The following SPON2 variants were observed in gnomAD, a reference collection of about 807,000 sequenced individuals.
SPON2 encodes the protein spondin-2.
Under a neutral mutation model 29.9 loss-of-function variants are expected in SPON2, and 32 were observed. That is an observed-to-expected ratio of 1.07 (90% CI 0.81 to 1.44). The LOEUF (loss-of-function observed/expected upper bound fraction) is 1.44, where lower values mean the gene tolerates loss of function less well. SPON2 is among the 40% of genes most tolerant of loss of function. The probability of loss-of-function intolerance (pLI) is 0.00; values close to 1 mark genes in which losing one functional copy is unlikely to be tolerated. For synonymous variants in SPON2, 248 were observed against 209.1 expected, an observed-to-expected ratio of 1.19 and a Z score of -1.61; for missense variants, 541 against 455.5, an observed-to-expected ratio of 1.19 and a Z score of -1.71.
intron 1 of SPON2, among the ~76,000 whole-genome samples, chr4:1,206,043 C>T (rs1728333938): frequency 6.6e-6 from 1 of 152,026 alleles, no homozygotes; most frequent in African/African-American, 2.4e-5. Flanking sequence ...GGGAGGAGGC[C>T]ACGCCCAGCA....
intron 1 of SPON2, among the ~76,000 whole-genome samples, chr4:1,203,032 G>A (rs1728251555): frequency 6.6e-6 from 1 of 152,178 alleles, no homozygotes. Context: ...CTTATAAAAG[G>A]GCTAGAAGGA....
chr4:1,196,538 G>A (rs1334619999), upstream of SPON2, among the ~76,000 whole-genome samples: 1 of 152,228 alleles, frequency 6.6e-6, no homozygotes, highest in Non-Finnish European at 1.5e-5. Flanking sequence ...ACTCAGAGCA[G>A]AGGCCACTGC....
chr4:1,190,530 T>G (rs371705553), intron 1 of SPON2, among the ~76,000 whole-genome samples: 4 of 152,086 alleles, frequency 2.6e-5, no homozygotes, highest in African/African-American at 7.2e-5. Context: ...CTGCAAAAAA[T>G]GTTCAACAAA....
At position 1,171,874 on chromosome 4, in the gene SPON2, A is replaced by AG. The variant is rs775922429; in HGVS notation, c.197dup (p.Ala67CysfsTer12). The stretch of plus-strand genomic sequence containing the variant: ...TACCCAGCAGCGAAGACCACTGCGC[A>AG]GGGGGGCGGAACAGGGGGTACTGCT... On this transcript the variant is annotated frameshift_variant, in exon 2 of 6. Coordinates refer to ENST00000290902, the MANE Select transcript of SPON2 (RefSeq NM_012445.4). LOFTEE classifies it high-confidence loss of function. 1.9e-5 allele frequency: 31 copies of AG among 1,612,560 alleles called. No homozygotes were observed. The highest frequency in any genetic ancestry group is 2.5e-5 in the Non-Finnish European group (30 of 1,179,748).
chr4:1,202,099 G>A lies in SPON2; in HGVS notation c.-234+5781C>T, dbSNP rs751668293. On this transcript the variant is annotated intron_variant, in intron 1 of 3. Transcript: ENST00000509233. This position sits in a 1 kb window ranked among gnomAD's most constrained non-coding sequence, Gnocchi z 5.4. ...AGACGTCCTGTGCCTGTTAGCAACCGCTCCCCGCCACGGTTTGAGTGAGGC... is the reference window on the plus strand; with the variant it reads ...AGACGTCCTGTGCCTGTTAGCAACCACTCCCCGCCACGGTTTGAGTGAGGC... Among the ~76,000 whole-genome samples the A allele has an allele frequency of 5.3e-5, 8 of 152,184 alleles. No individual in the cohort carries two copies. The highest frequency in any genetic ancestry group is 7.2e-5 in the African/African-American group (3 of 41,428).
upstream of SPON2, among the ~76,000 whole-genome samples, chr4:1,173,595 C>T (rs1056729096): frequency 1.3e-5 from 2 of 152,220 alleles, no homozygotes; most frequent in African/African-American, 4.8e-5. Flanking sequence ...GGAAGGAGCT[C>T]GGGAATGGTC....
chr4:1,166,977 A>G lies in SPON2; in HGVS notation c.*495T>C, dbSNP rs1337722236. ...TCTTTATTCAAACGCAGAGAGATCC[A>G]TAACATGGAAACACTGACGCTTCCG... On this transcript the variant is annotated 3_prime_UTR_variant, in exon 6 of 6. Transcript: ENST00000290902. 6.5e-6 allele frequency: 1 copy of G among 154,158 alleles called. No individual in the cohort carries two copies. The highest frequency in any genetic ancestry group is 2.4e-5 in the African/African-American group (1 of 41,514). 9.5% of individuals were successfully genotyped at this position (154,158 alleles called of 1,614,324 possible). A position where few individuals can be genotyped will look rare whatever the true frequency, so the allele number is the denominator to read the frequency against.
intron 2 of SPON2, among the ~76,000 whole-genome samples, chr4:1,178,737 G>A (rs1727651661): frequency 6.7e-6 from 1 of 150,288 alleles, no homozygotes; most frequent in African/African-American, 2.5e-5. Context: ...ACCATAACCA[G>A]TGTGAGCAGA....
chr4:1,171,560 C>G (rs1411998000), intron 2 of SPON2, 74 bp from the exon 3 acceptor site: 1 of 1,440,750 alleles, frequency 6.9e-7, no homozygotes, highest in African/African-American at 1.4e-5. Flanking sequence ...GGGGGCGCCC[C>G]AGGAAATCCC....
In SPON2 at chr4:1,172,035, C is replaced by A. The variant is rs746766520; in HGVS notation, c.37G>T (p.Ala13Ser). 1 of 1,612,446 alleles carries A rather than the reference C, an allele frequency of 6.2e-7. No individual in the cohort carries two copies. The highest frequency in any genetic ancestry group is 2.2e-5 in the East Asian group (1 of 44,864). The change falls in exon 2 of 6, where the codon GCC becomes TCC. Residue 13 changes from alanine to serine, a missense_variant. Coordinates refer to ENST00000290902, the MANE Select transcript of SPON2 (RefSeq NM_012445.4). The stretch of plus-strand genomic sequence containing the variant: ...GTGGCCAGGAGGAGAGCGCAGAGGG[C>A]CTTGCCCAGGGCGGCGGCCGGGCTG... ...NPSPAAALGK[A>S]LCALLLATLG... is the part of the protein sequence containing the mutation.
intron 1 of SPON2, chr4:1,194,910 G>GGCGGCTCCAACGCCA (rs1560210522): frequency 2.3e-4 from 21 of 90,858 alleles, no homozygotes; most frequent in African/African-American, 5.4e-4. Flanking sequence ...CTCCAACCCC[G>GGCGGCTCCAACGCCA]CAGCCGGCGG....
chr4:1,194,012 C>G (rs1727979198), intron 1 of SPON2, among the ~76,000 whole-genome samples: 3 of 151,938 alleles, frequency 2.0e-5, no homozygotes, highest in African/African-American at 7.3e-5. Context: ...GTATGTGGAA[C>G]CCAGGGGGGT....
rs1456094116 is a variant in SPON2, at chr4:1,202,106, G to A, written c.-234+5774C>T. On this transcript the variant is annotated intron_variant, in intron 1 of 3. Coordinates refer to the SPON2 transcript ENST00000509233. The surrounding 1 kb of genome is among the most constrained non-coding windows in gnomAD (Gnocchi z 5.4). ...CTGTGCCTGTTAGCAACCGCTCCCC[G>A]CCACGGTTTGAGTGAGGCCACAACA... is the stretch of plus-strand genomic sequence containing the variant. Among the ~76,000 whole-genome samples, 6 of 152,306 alleles carry A rather than the reference G, an allele frequency of 3.9e-5. No individual in the cohort carries two copies. The highest frequency in any genetic ancestry group is 3.9e-4 in the East Asian group (2 of 5,188).
intron 1 of SPON2, among the ~76,000 whole-genome samples, chr4:1,200,241 C>G (rs1319080594): frequency 6.6e-6 from 1 of 152,196 alleles, no homozygotes; most frequent in East Asian, 1.9e-4. Context: ...CTGACACGTT[C>G]TTCCTGGGTC....
chr4:1,189,594 C>A (rs1727865410), intron 1 of SPON2, among the ~76,000 whole-genome samples: 1 of 145,220 alleles, frequency 6.9e-6, no homozygotes, highest in Middle Eastern at 3.6e-3. Flanking sequence ...CAAGATCATG[C>A]CACCACTGCA....
upstream of SPON2, among the ~76,000 whole-genome samples, chr4:1,175,413 G>A (rs1281705193): frequency 2.6e-5 from 4 of 152,238 alleles, no homozygotes; most frequent in Non-Finnish European, 1.5e-5. Context: ...CTCCCAGCCC[G>A]GCCCTCATGC....
At chr4:1,178,556 G>A (rs1351601048) in intron 2 of SPON2, among the ~76,000 whole-genome samples, 1 of 152,014 alleles carries the variant, frequency 6.6e-6, no homozygotes, top group Non-Finnish European at 1.5e-5. Flanking sequence ...GCCTTTGCAC[G>A]TGCAGCTCTC....
upstream of SPON2, among the ~76,000 whole-genome samples, chr4:1,174,486 C>CAAAAAAAAAAAAAAAAAAAAAAAAA (rs59532169): frequency 1.1e-5 from 1 of 94,252 alleles, no homozygotes; most frequent in Non-Finnish European, 2.2e-5. Flanking sequence ...GACTCCATCT[C>CAAAAAAAAAAAAAAAAAAAAAAAAA]AAAAAAAAAA....
At position 1,200,308 on chromosome 4, in the gene SPON2, G is replaced by A. The variant is rs116606016; in HGVS notation, c.-234+7572C>T. On this transcript the variant is annotated intron_variant, in intron 1 of 3. Coordinates refer to the SPON2 transcript ENST00000509233. ...AGGCTCCACGGACAGTTGAGAAGGCGTCCAGCCTGCAGAACGGAGTCCAGG... is the reference window on the plus strand; with the variant it reads ...AGGCTCCACGGACAGTTGAGAAGGCATCCAGCCTGCAGAACGGAGTCCAGG... Among the ~76,000 whole-genome samples the A allele has an allele frequency of 4.8e-3, 734 of 152,248 alleles. 8 individuals are homozygous for A. Among genetic ancestry groups the A allele is most frequent in the African/African-American group, 0.017 (696 of 41,542 alleles).
Sources: allele counts gnomAD v4.1 joint callset (sites outside exome capture counted in the v4.1 genomes callset), GRCh38; gene constraint gnomAD v4.1.1; non-coding constraint Gnocchi (gnomAD v3.1); transcripts MANE v1.5; gene names NCBI Gene and HGNC (gene_info 2026-07-23, HGNC 2026-07-21).